SPOCK1: variants seen among roughly 807,000 people sequenced by gnomAD.
The protein encoded by SPOCK1 is SPARC (osteonectin), cwcv and kazal like domains proteoglycan 1, also known as testican-1.
Under a neutral mutation model 55.3 loss-of-function variants are expected in SPOCK1, and 23 were observed. That is an observed-to-expected ratio of 0.42 (90% confidence interval 0.30 to 0.59). The LOEUF is 0.59. Ranked by LOEUF, SPOCK1 falls within the 20% of genes least tolerant of loss-of-function variation. The probability of loss-of-function intolerance (pLI) is 0.22; values close to 1 mark genes in which losing one functional copy is unlikely to be tolerated. For missense variants in SPOCK1, 499 were observed against 552.5 expected, an observed-to-expected ratio of 0.90 and a Z score of 0.97; for synonymous variants, 226 against 221.0, an observed-to-expected ratio of 1.02 and a Z score of -0.20.
intron 2 of SPOCK1, among the ~76,000 whole-genome samples, chr5:137,313,255 C>T (rs1404772433): frequency 6.6e-6 from 1 of 152,190 alleles, no homozygotes; most frequent in African/African-American, 2.4e-5. Flanking sequence ...AACACATAAG[C>T]CAGTCCCTGC....
At chr5:137,114,959 A>G (rs1331699677) in intron 4 of SPOCK1, among the ~76,000 whole-genome samples, 1 of 152,274 alleles carries the variant, frequency 6.6e-6, no homozygotes, top group Non-Finnish European at 1.5e-5. Context: ...GAGCTTAGCC[A>G]AAGTCAAGGG....
At chr5:137,128,335 C>G (rs767904920) in intron 4 of SPOCK1, among the ~76,000 whole-genome samples, 1 of 152,306 alleles carries the variant, frequency 6.6e-6, no homozygotes, top group East Asian at 1.9e-4. Flanking sequence ...ACTAAGATAA[C>G]AACTGACATT....
At chr5:137,287,752 A>G (rs187034759) in intron 2 of SPOCK1, among the ~76,000 whole-genome samples, 1 of 152,338 alleles carries the variant, frequency 6.6e-6, no homozygotes. Flanking sequence ...GTCTATGGAC[A>G]GCTGGTTCAG....
intron 3 of SPOCK1, among the ~76,000 whole-genome samples, chr5:137,175,114 GA>G (rs1160404499): frequency 6.6e-6 from 1 of 152,188 alleles, no homozygotes; most frequent in Non-Finnish European, 1.5e-5. Context: ...TCACAAGACA[GA>G]AAAATGACAA....
At chr5:137,009,724 C>G (rs1372695372) in intron 6 of SPOCK1, among the ~76,000 whole-genome samples, 5 of 152,152 alleles carry the variant, frequency 3.3e-5, no homozygotes, top group Admixed American at 3.3e-4. Flanking sequence ...TTCCTAAATG[C>G]AGGATTTTTT....
At chr5:137,190,868 C>A (rs1448457552) in intron 3 of SPOCK1, among the ~76,000 whole-genome samples, 1 of 152,146 alleles carries the variant, frequency 6.6e-6, no homozygotes, top group Non-Finnish European at 1.5e-5. Context: ...GCTGTCTAAT[C>A]CAGACACTGG....
intron 2 of SPOCK1, among the ~76,000 whole-genome samples, chr5:137,395,293 T>C (rs764793154): frequency 6.6e-6 from 1 of 152,234 alleles, no homozygotes; most frequent in Non-Finnish European, 1.5e-5. Flanking sequence ...AAATGTCAGG[T>C]GTGCCAAAGT....
chr5:137,303,142 G>A (rs1231258752), intron 2 of SPOCK1, among the ~76,000 whole-genome samples: 1 of 152,028 alleles, frequency 6.6e-6, no homozygotes, highest in East Asian at 1.9e-4. Context: ...GTGCCTCTGG[G>A]GTTATTGTAC....
intron 3 of SPOCK1, among the ~76,000 whole-genome samples, chr5:137,171,148 C>G (rs189407908): frequency 3.3e-5 from 5 of 152,258 alleles, no homozygotes; most frequent in African/African-American, 9.6e-5. Flanking sequence ...TCAATGCACC[C>G]GAGACTACAT....
chr5:137,331,749 G>A (rs185870360), intron 2 of SPOCK1, among the ~76,000 whole-genome samples: 6 of 152,204 alleles, frequency 3.9e-5, no homozygotes, highest in African/African-American at 9.6e-5. Flanking sequence ...AGCCACTGGG[G>A]AGGGATCCGC....
intron 2 of SPOCK1, among the ~76,000 whole-genome samples, chr5:137,354,434 C>T (rs1750747644): frequency 6.6e-6 from 1 of 152,104 alleles, no homozygotes; most frequent in Admixed American, 6.5e-5. Flanking sequence ...TTGACCCCCC[C>T]AGGCAGCCTC....
At chr5:137,354,869 A>G (rs1750758010) in intron 2 of SPOCK1, among the ~76,000 whole-genome samples, 1 of 152,092 alleles carries the variant, frequency 6.6e-6, no homozygotes, top group African/African-American at 2.4e-5. Flanking sequence ...TATTGACTGT[A>G]TCACCTTAGG....
At chr5:137,177,474 G>A (rs546039715) in intron 3 of SPOCK1, among the ~76,000 whole-genome samples, 31 of 152,154 alleles carry the variant, frequency 2.0e-4, no homozygotes, top group African/African-American at 6.7e-4. Flanking sequence ...GAGGGCAAGG[G>A]AAAACCAGAG....
In SPOCK1 at chr5:136,978,121, GA is replaced by G; in HGVS notation, c.*532del. ...TATAGGAAGCCAGATATAATGATGT[GA>G]AAAAAACTAATTTTTAATAATAATC... On this transcript the variant is annotated 3_prime_UTR_variant, in exon 11 of 11. Transcript: ENST00000394945. 2.5e-6 allele frequency: 1 copy of G among 394,650 alleles called. No homozygotes were observed. 24.4% of individuals were successfully genotyped at this position (394,650 alleles called of 1,614,324 possible). A position where few individuals can be genotyped will look rare whatever the true frequency, so the allele number is the denominator to read the frequency against.
At chr5:137,262,193 G>A (rs1354542039) in intron 3 of SPOCK1, among the ~76,000 whole-genome samples, 4 of 152,026 alleles carry the variant, frequency 2.6e-5, no homozygotes, top group Non-Finnish European at 5.9e-5. Context: ...CAGCTTTGTG[G>A]TTCAATAAAT....
chr5:137,246,581 A>T (rs1756399328), intron 3 of SPOCK1, among the ~76,000 whole-genome samples: 1 of 152,270 alleles, frequency 6.6e-6, no homozygotes, highest in Admixed American at 6.5e-5. Context: ...ACTGCTTCTC[A>T]TATCTCCAAT....
At chr5:137,034,305 C>A (rs1421022299) in intron 6 of SPOCK1, among the ~76,000 whole-genome samples, 1 of 152,142 alleles carries the variant, frequency 6.6e-6, no homozygotes, top group Non-Finnish European at 1.5e-5. Context: ...AAATCTCCAC[C>A]CACTTATTGG....
At chr5:137,160,565 T>TATATAATATA (rs1754517230) in intron 3 of SPOCK1, among the ~76,000 whole-genome samples, 2 of 65,970 alleles carry the variant, frequency 3.0e-5, no homozygotes, top group African/African-American at 6.4e-5. Context: ...TATTATATAT[T>TATATAATATA]ATATATTATA....
At chr5:137,092,077 T>A (rs573402412) in intron 5 of SPOCK1, among the ~76,000 whole-genome samples, 34 of 152,214 alleles carry the variant, frequency 2.2e-4, no homozygotes, top group African/African-American at 8.2e-4. Context: ...TGCCACTCCA[T>A]CCACCTTCCA....
Sources: gnomAD v4.1 joint callset for allele counts (sites outside exome capture counted in the v4.1 genomes callset) on GRCh38, gnomAD v4.1.1 for gene constraint, MANE v1.5 for transcripts, NCBI Gene and HGNC (gene_info 2026-07-23, HGNC 2026-07-21) for gene names.